MCCC2: variants seen among roughly 807,000 people sequenced by gnomAD.
MCCC2 encodes methylcrotonoyl-CoA carboxylase beta chain, mitochondrial.
MCCC2 carries 52 observed loss-of-function variants against 77.2 expected under a neutral mutation model. The observed-to-expected ratio is 0.67, with a 90% confidence interval of 0.54 to 0.85. The LOEUF (loss-of-function observed/expected upper bound fraction) is 0.85. Ranked by LOEUF, MCCC2 falls within the 40% of genes least tolerant of loss-of-function variation. The probability of loss-of-function intolerance (pLI) is 0.00; values close to 1 mark genes in which losing one functional copy is unlikely to be tolerated. For missense variants in MCCC2, 682 were observed against 703.2 expected (o/e 0.97, Z 0.34); for synonymous variants, 253 against 248.4 (o/e 1.02, Z -0.18).
At chr5:71,588,016 C>A (rs1037518662) in intron 1 of MCCC2, among the ~76,000 whole-genome samples, 5 of 152,166 alleles carry the variant, frequency 3.3e-5, no homozygotes, top group Admixed American at 3.3e-4. Flanking sequence ...CGCCTGTAAT[C>A]CCAGCGCTTT....
intron 6 of MCCC2, among the ~76,000 whole-genome samples, chr5:71,625,077 T>C (rs893611242): frequency 2.6e-5 from 4 of 152,206 alleles, no homozygotes; most frequent in Non-Finnish European, 5.9e-5. Context: ...TTTGAATTCT[T>C]GCTGACAGTT....
intron 10 of MCCC2, among the ~76,000 whole-genome samples, chr5:71,638,569 G>T (rs372110325): frequency 4.3e-4 from 65 of 152,124 alleles, no homozygotes; most frequent in South Asian, 3.8e-3. Context: ...CGCCCAGGCT[G>T]GAATGCAGTG....
chr5:71,650,840 G>T (rs569665091), intron 15 of MCCC2, among the ~76,000 whole-genome samples: 1 of 152,218 alleles, frequency 6.6e-6, no homozygotes, highest in African/African-American at 2.4e-5. Flanking sequence ...TAGTAGAGAT[G>T]GGGTTTCACT....
chr5:71,596,006 C>G (rs900388844), intron 2 of MCCC2, among the ~76,000 whole-genome samples: 1 of 152,088 alleles, frequency 6.6e-6, no homozygotes, highest in East Asian at 1.9e-4. Flanking sequence ...AGAAAATACT[C>G]TGTAATTTAT....
intron 7 of MCCC2, among the ~76,000 whole-genome samples, chr5:71,629,334 G>C (rs1264570248): frequency 6.6e-6 from 1 of 152,202 alleles, no homozygotes; most frequent in Non-Finnish European, 1.5e-5. Context: ...GAGGAGGGTG[G>C]AATGGGAGTG....
chr5:71,597,764 A>G (rs1745245799), intron 3 of MCCC2, among the ~76,000 whole-genome samples: 1 of 152,236 alleles, frequency 6.6e-6, no homozygotes, highest in Non-Finnish European at 1.5e-5. Context: ...ATATATATAT[A>G]CCAGACACCT....
Position 71,635,191 on chromosome 5 carries a change from ATGAAT to A in MCCC2, c.947_951del (p.Glu316ValfsTer7). On this transcript the variant is annotated frameshift_variant, in exon 10 of 17. Coordinates refer to ENST00000340941, the MANE Select transcript of MCCC2 (RefSeq NM_022132.5). LOFTEE classifies it high-confidence loss of function. ...TCTGAAGAGCCTTTATTTCCTGCTG[ATGAAT>A]TGTATGGAATAGTTGGTGCTAACCT... 6.2e-7 allele frequency: 1 copy of A among 1,614,140 alleles called. No individual in the cohort carries two copies. The highest frequency in any genetic ancestry group is 1.1e-5 in the South Asian group (1 of 91,076).
intron 6 of MCCC2, among the ~76,000 whole-genome samples, chr5:71,608,857 G>C (rs1291435668): frequency 6.6e-6 from 1 of 152,034 alleles, no homozygotes; most frequent in Non-Finnish European, 1.5e-5. Flanking sequence ...TGAAATTCTG[G>C]GTTGCAAATT....
At chr5:71,655,383 A>G (rs901305851) in intron 16 of MCCC2, among the ~76,000 whole-genome samples, 14 of 152,218 alleles carry the variant, frequency 9.2e-5, no homozygotes. Flanking sequence ...AATAGGTTAC[A>G]TATGTAGCGT....
Position 71,615,956 on chromosome 5 carries a change from G to A in MCCC2, c.625-10684G>A, listed in dbSNP as rs7730119. ...CATGACCATAAACTTGGAGCTTTCA[G>A]TCCCAGCCCTATCCTTCAGGGAGGG... is the stretch of plus-strand genomic sequence containing the variant. On this transcript the variant is annotated intron_variant, in intron 6 of 16. Coordinates refer to ENST00000340941, the MANE Select transcript of MCCC2 (RefSeq NM_022132.5). 9.5e-3 allele frequency among the ~76,000 whole-genome samples: 1,447 copies of A among 152,268 alleles called. 26 individuals are homozygous for A. Among genetic ancestry groups the A allele is most frequent in the African/African-American group, 0.033 (1,380 of 41,560 alleles).
chr5:71,592,283 A>G (rs564001762), intron 1 of MCCC2, among the ~76,000 whole-genome samples: 5 of 152,306 alleles, frequency 3.3e-5, no homozygotes, highest in African/African-American at 1.2e-4. Flanking sequence ...TAGGAGGCTG[A>G]GGCAGGAGAA....
chr5:71,650,685 G>A (rs1747414179), intron 15 of MCCC2, among the ~76,000 whole-genome samples: 1 of 151,884 alleles, frequency 6.6e-6, no homozygotes, highest in African/African-American at 2.4e-5. Context: ...GTCTCGCTTT[G>A]TCGCCCAGGC....
rs1165990855 is a variant in MCCC2, at chr5:71,602,634, G to A, written c.511+1G>A. On this transcript the variant is annotated splice_donor_variant, in intron 5 of 16. Transcript: ENST00000340941. LOFTEE classifies it high-confidence loss of function. Reference sequence around the variant, plus strand: ...AACAGGCTCCCCTGCATCTACTTAGGCAAGTCACCAGAGTGGTAAAATAAA... The same window carrying A: ...AACAGGCTCCCCTGCATCTACTTAGACAAGTCACCAGAGTGGTAAAATAAA... The A allele has an allele frequency of 6.2e-7, 1 of 1,614,132 alleles. No individual in the cohort carries two copies. The highest frequency in any genetic ancestry group is 8.5e-7 in the Non-Finnish European group (1 of 1,180,024).
chr5:71,629,716 T>C (rs1329435581), intron 7 of MCCC2, among the ~76,000 whole-genome samples: 5 of 150,574 alleles, frequency 3.3e-5, no homozygotes, highest in African/African-American at 1.2e-4. Context: ...CTTAAGGCAT[T>C]ATTTTAAAAG....
In MCCC2 at chr5:71,596,301, C is replaced by T. The variant is rs1745185514; in HGVS notation, c.218C>T (p.Ala73Val). ...IKLGGGEKAR[A>V]LHISRGKLLP... ...ATAGGAGGTGGTGAGAAAGCCCGAG[C>T]ACTTCACATATCAAGAGGAAAACTA... Residue 73 changes from alanine (A) to valine (V), a missense_variant, in exon 3 of 17, where the codon GCA (alanine) becomes GTA (valine). Physicochemically the swap from Ala to Val is moderately conservative, Grantham distance 64. Coordinates refer to ENST00000340941, the MANE Select transcript of MCCC2 (RefSeq NM_022132.5). 3 of 1,613,950 alleles carry T rather than the reference C, an allele frequency of 1.9e-6. No individual in the cohort carries two copies. The Admixed American group carries it at 5.0e-5, about 27-fold the overall frequency.
intron 7 of MCCC2, among the ~76,000 whole-genome samples, chr5:71,630,629 A>G (rs1580314972): frequency 6.6e-6 from 1 of 152,216 alleles, no homozygotes; most frequent in African/African-American, 2.4e-5. Context: ...TTTGGAAGGA[A>G]AAGAACCAAG....
At chr5:71,604,168 GT>G (rs945852733) in intron 5 of MCCC2, among the ~76,000 whole-genome samples, 187 bp from the exon 6 acceptor site, 1 of 152,164 alleles carries the variant, frequency 6.6e-6, no homozygotes, top group African/African-American at 2.4e-5. Flanking sequence ...AGCCTGATGG[GT>G]TTGGGGCAAT....
chr5:71,611,793 C>CT (rs561604734), intron 6 of MCCC2, among the ~76,000 whole-genome samples: 358 of 141,510 alleles, frequency 2.5e-3, no homozygotes, highest in African/African-American at 3.1e-3. Flanking sequence ...CTTTTTTTTT[C>CT]TTTTTTTTTT....
At chr5:71,640,930 C>T (rs1259592238) in intron 10 of MCCC2, 73 bp from the exon 11 acceptor site, 10 of 1,308,500 alleles carry the variant, frequency 7.6e-6, no homozygotes, top group African/African-American at 7.3e-5. Context: ...GAATTGTTTT[C>T]CTATAAGTAA....
Sources: gnomAD v4.1 joint callset for allele counts (sites outside exome capture counted in the v4.1 genomes callset) on GRCh38, gnomAD v4.1.1 for gene constraint, MANE v1.5 for transcripts, NCBI Gene and HGNC (gene_info 2026-07-23, HGNC 2026-07-21) for gene names.